Variants in RELN observed in about 807,000 individuals in gnomAD.
RELN encodes the protein reelin.
In RELN, 108 loss-of-function variants were observed where a neutral mutation model predicts 427.6. The observed-to-expected ratio is 0.25, with a 90% confidence interval of 0.22 to 0.30. The LOEUF (loss-of-function observed/expected upper bound fraction) is 0.30, where lower values mean the gene tolerates loss of function less well. Ranked by LOEUF, RELN falls within the 10% of genes least tolerant of loss-of-function variation. The pLI is 1.00. For synonymous variants in RELN, 1,524 were observed against 1,513.4 expected, an observed-to-expected ratio of 1.01 and a Z score of -0.16; for missense variants, 3,715 against 4,302.8, an observed-to-expected ratio of 0.86 and a Z score of 3.82.
chr7:103,735,267 T>C (rs913800763), intron 6 of RELN, among the ~76,000 whole-genome samples: 1 of 152,198 alleles, frequency 6.6e-6, no homozygotes, highest in Non-Finnish European at 1.5e-5. Context: ...TATTTATTAT[T>C]CAGGTGGCTG....
rs1437818766 is a variant in RELN at position 103,542,954 on chromosome 7, G to A, written c.6524-76C>T. ...TGTATTATATTTTTAAAAGGAGTAT[G>A]GTAAATGCATTATGTAGTTTCAAAA... On this transcript the variant is annotated intron_variant, in intron 42 of 64. Coordinates refer to ENST00000428762, the MANE Select transcript of RELN (RefSeq NM_005045.4). 2.9e-6 allele frequency: 4 copies of A among 1,373,372 alleles called. No individual in the cohort carries two copies. The African/African-American group carries it at 5.8e-5, about 20-fold the overall frequency. 85.1% of individuals were successfully genotyped at this position (1,373,372 alleles called of 1,614,324 possible).
chr7:103,512,368 T>C (rs1381804855), intron 50 of RELN, among the ~76,000 whole-genome samples: 1 of 152,208 alleles, frequency 6.6e-6, no homozygotes, highest in Admixed American at 6.5e-5. Context: ...GATAATACTG[T>C]TATAAATTTA....
rs890561388 is a variant in RELN, at chr7:103,500,752, G to A, written c.8660C>T (p.Thr2887Ile). 1.9e-6 allele frequency: 3 copies of A among 1,614,034 alleles called. No homozygotes were observed. The highest frequency in any genetic ancestry group is 2.5e-6 in the Non-Finnish European group (3 of 1,179,978). The change falls in exon 53 of 65, where the codon ACT becomes ATT. Residue 2887 changes from threonine (T) to isoleucine (I), a missense_variant. This residue lies in a region of RELN where 1,310 missense variants were observed against 1,643.0 expected (regional missense o/e 0.80). Transcript: ENST00000428762. The stretch of plus-strand genomic sequence containing the variant: ...CCAGGGCTTTACCCTTACCTTCAGA[G>A]TGTGGGTCAAGTAGCAGTTTGGCCC... ...YSGPNCYLTH[T>I]LKTFLKERFD... is the part of the protein sequence containing the mutation.
Position 103,697,836 on chromosome 7 carries a change from C to G in RELN, c.1143+17G>C, listed in dbSNP as rs1834009525. The G allele has an allele frequency of 6.2e-7, 1 of 1,613,208 alleles. No individual in the cohort carries two copies. Among genetic ancestry groups the G allele is most frequent in the Admixed American group, 1.7e-5 (1 of 59,852 alleles). The stretch of plus-strand genomic sequence containing the variant: ...ATGAAGGATTAAAACAACCCAAAAA[C>G]TAAAAAGAGCTCTAACCTTAACTGT... On this transcript the variant is annotated intron_variant, in intron 10 of 64. Coordinates refer to ENST00000428762, the MANE Select transcript of RELN (RefSeq NM_005045.4).
Position 103,573,934 on chromosome 7 carries a change from T to C in RELN, c.4511+158A>G, listed in dbSNP as rs901330370. On this transcript the variant is annotated intron_variant, in intron 30 of 64. Transcript: ENST00000428762. The surrounding 1 kb of genome is among the most constrained non-coding windows in gnomAD (Gnocchi z 4.4). ...TCTTTGTAGAAACCACCTATTTTAT[T>C]CCAAAGCTAAAGTTATCTTCATTTT... is the stretch of plus-strand genomic sequence containing the variant. 6.6e-6 allele frequency among the ~76,000 whole-genome samples: 1 copy of C among 152,236 alleles called. No individual in the cohort carries two copies. The highest frequency in any genetic ancestry group is 1.5e-5 in the Non-Finnish European group (1 of 68,050).
At chr7:103,800,876 A>G (rs1792446137) in intron 3 of RELN, among the ~76,000 whole-genome samples, 1 of 152,226 alleles carries the variant, frequency 6.6e-6, no homozygotes, top group African/African-American at 2.4e-5. Context: ...ACTTAAACAA[A>G]TTTACAAGAA....
chr7:103,983,135 T>C (rs1488515600), intron 1 of RELN, among the ~76,000 whole-genome samples: 1 of 152,210 alleles, frequency 6.6e-6, no homozygotes, highest in East Asian at 1.9e-4. Context: ...TTTTTTATTT[T>C]GAGTGATTTA....
At chr7:103,977,069 G>T (rs1796893497) in intron 1 of RELN, among the ~76,000 whole-genome samples, 1 of 151,900 alleles carries the variant, frequency 6.6e-6, no homozygotes, top group Admixed American at 6.6e-5. Flanking sequence ...CCAGCACTTT[G>T]GGAGGCTGAG....
intron 10 of RELN, among the ~76,000 whole-genome samples, chr7:103,691,099 A>G (rs1448451244): frequency 6.6e-6 from 1 of 152,122 alleles, no homozygotes; most frequent in African/African-American, 2.4e-5. Context: ...TTATACATCT[A>G]TTTCATATTA....
At chr7:103,982,230 A>T (rs1414789115) in intron 1 of RELN, among the ~76,000 whole-genome samples, 1 of 152,170 alleles carries the variant, frequency 6.6e-6, no homozygotes, top group Non-Finnish European at 1.5e-5. Context: ...ATATCGCTGA[A>T]TTATACCGCC....
chr7:103,605,634 T>C (rs1258986308), intron 22 of RELN, among the ~76,000 whole-genome samples: 5 of 152,184 alleles, frequency 3.3e-5, no homozygotes, highest in Non-Finnish European at 7.4e-5. Flanking sequence ...CAAAACATGA[T>C]TTGCAAAATT....
intron 16 of RELN, among the ~76,000 whole-genome samples, chr7:103,647,403 T>C (rs1453337609): frequency 6.6e-6 from 1 of 151,888 alleles, no homozygotes; most frequent in Non-Finnish European, 1.5e-5. Flanking sequence ...GGAACATTTA[T>C]ATATAACGAT....
chr7:103,480,510 T>C (rs2116968896), intron 63 of RELN, among the ~76,000 whole-genome samples: 1 of 152,306 alleles, frequency 6.6e-6, no homozygotes, highest in East Asian at 1.9e-4. Context: ...TAGAGTGGTG[T>C]AGAAATGTTA....
intron 2 of RELN, among the ~76,000 whole-genome samples, chr7:103,894,463 CTAAA>C (rs1757859568): frequency 6.6e-6 from 1 of 151,942 alleles, no homozygotes; most frequent in Admixed American, 6.6e-5. Flanking sequence ...CTTCATTAGT[CTAAA>C]TAAAAAGTTG....
At chr7:103,518,334 T>G (rs1201609072) in intron 49 of RELN, among the ~76,000 whole-genome samples, 2 of 99,534 alleles carry the variant, frequency 2.0e-5, no homozygotes, top group Non-Finnish European at 3.6e-5. Flanking sequence ...TTCCTTTTTT[T>G]TTTTTTTTTT....
intron 3 of RELN, among the ~76,000 whole-genome samples, chr7:103,800,850 A>C (rs550245772): frequency 1.3e-5 from 2 of 152,098 alleles, no homozygotes; most frequent in African/African-American, 2.4e-5. Flanking sequence ...GGGCTAATAT[A>C]CAGAATCTAC....
chr7:103,877,858 CTTTTTTT>C (rs34224768), intron 2 of RELN, among the ~76,000 whole-genome samples: 1 of 120,668 alleles, frequency 8.3e-6, no homozygotes, highest in East Asian at 2.5e-4. Context: ...CTCTCCCTGC[CTTTTTTT>C]TTTTTTTTTT....
chr7:103,500,340 ATT>A (rs1828983942), intron 53 of RELN, among the ~76,000 whole-genome samples: 1 of 152,194 alleles, frequency 6.6e-6, no homozygotes, highest in South Asian at 2.1e-4. Flanking sequence ...CTTTTTGAAA[ATT>A]TGGTCTTTTG....
At position 103,589,680 on chromosome 7, in the gene RELN, A is replaced by G; in HGVS notation, c.4061T>C (p.Leu1354Pro). 6.2e-7 allele frequency: 1 copy of G among 1,614,126 alleles called. No homozygotes were observed. Among genetic ancestry groups the G allele is most frequent in the Non-Finnish European group, 8.5e-7 (1 of 1,179,988 alleles). The change falls in exon 28 of 65, where the codon CTA becomes CCA. Residue 1354 changes from leucine to proline, a missense_variant. Transcript: ENST00000428762. ...GKGCEGNSRE[L>P]SEPTMYHTGD... ...TGTGTGATACATGGTGGGCTCACTTAGTTCTCTGGAGTTTCCTTCGCATCC... is the reference window on the plus strand; with the variant it reads ...TGTGTGATACATGGTGGGCTCACTTGGTTCTCTGGAGTTTCCTTCGCATCC...
Sources: gnomAD v4.1 joint callset for allele counts (sites outside exome capture counted in the v4.1 genomes callset) on GRCh38, gnomAD v4.1.1 for gene constraint, gnomAD v4.1.1 regional missense constraint, Gnocchi (gnomAD v3.1) non-coding constraint, MANE v1.5 for transcripts, NCBI Gene and HGNC (gene_info 2026-07-23, HGNC 2026-07-21) for gene names.